MTMR7: variants seen among roughly 807,000 people sequenced by gnomAD.
The protein encoded by MTMR7 is myotubularin related protein 7.
Under a neutral mutation model 81.2 loss-of-function variants are expected in MTMR7, and 76 were observed. The ratio of observed to expected loss-of-function variants is 0.94; its 90% CI spans 0.78 to 1.13. The LOEUF (loss-of-function observed/expected upper bound fraction) is 1.13, where lower values mean the gene tolerates loss of function less well. Ranked by LOEUF, MTMR7 falls within the 50% of genes most tolerant of loss-of-function variation. The pLI, the probability that MTMR7 is intolerant of heterozygous loss-of-function variation, is 0.00. For synonymous variants in MTMR7, 372 were observed against 289.8 expected (o/e 1.28, Z -2.88); for missense variants, 1,044 against 820.0 (o/e 1.27, Z -3.34).
In MTMR7 at chr8:17,371,175, T is replaced by G. The variant is rs746107183; in HGVS notation, c.172A>C (p.Ile58Leu). 9.3e-6 allele frequency: 15 copies of G among 1,614,048 alleles called. No homozygotes were observed. Among genetic ancestry groups the G allele is most frequent in the Non-Finnish European group, 1.3e-5 (15 of 1,180,026 alleles). ...GTAGCGGTTGTTGCCTGTTTCTCAA[T>G]GGTGGAAATCTGACTGTGAAGAATC... is the stretch of plus-strand genomic sequence containing the variant. ...TWILHSQIST[I>L]EKQATTATGC... The change falls in exon 3 of 14, where the codon ATT becomes CTT. Residue 58 changes from isoleucine (I) to leucine (L), a missense_variant. By Grantham distance (5) the Ile-to-Leu change is conservative (BLOSUM62 2). Coordinates refer to ENST00000180173, the MANE Select transcript of MTMR7 (RefSeq NM_004686.5).
At chr8:17,411,015 A>G (rs766251594) in intron 1 of MTMR7, among the ~76,000 whole-genome samples, 48 of 152,222 alleles carry the variant, frequency 3.2e-4, no homozygotes, top group Non-Finnish European at 1.5e-4. Flanking sequence ...TAATGGAAGC[A>G]AATAATAAAG....
At chr8:17,302,402 C>T (rs1817177043) in intron 12 of MTMR7, 122 bp from the exon 13 acceptor site, 2 of 1,115,448 alleles carry the variant, frequency 1.8e-6, no homozygotes, top group Non-Finnish European at 1.2e-6. Flanking sequence ...AAATTTCAGC[C>T]TCAAAAAAGC....
At chr8:17,306,789 T>C (rs1563317624) in intron 10 of MTMR7, among the ~76,000 whole-genome samples, 1 of 152,158 alleles carries the variant, frequency 6.6e-6, no homozygotes, top group East Asian at 1.9e-4. Context: ...GATGTTACAG[T>C]TTCTCACCTT....
chr8:17,389,235 T>C (rs1291588868), intron 1 of MTMR7, among the ~76,000 whole-genome samples: 2 of 152,232 alleles, frequency 1.3e-5, no homozygotes, highest in Non-Finnish European at 2.9e-5. Flanking sequence ...CTGTGACCTC[T>C]CTGATCACTA....
intron 1 of MTMR7, among the ~76,000 whole-genome samples, chr8:17,408,537 A>G (rs1256775077): frequency 2.0e-5 from 3 of 152,168 alleles, no homozygotes; most frequent in Non-Finnish European, 4.4e-5. Context: ...AACTGAGAGA[A>G]CTACTGAATC....
intron 1 of MTMR7, among the ~76,000 whole-genome samples, chr8:17,384,430 T>A (rs964406634): frequency 1.3e-5 from 2 of 152,038 alleles, no homozygotes; most frequent in African/African-American, 4.8e-5. Flanking sequence ...AATAAATAAA[T>A]AATTATTAAC....
intron 4 of MTMR7, among the ~76,000 whole-genome samples, chr8:17,357,659 A>G (rs1281356154): frequency 2.6e-5 from 4 of 152,202 alleles, no homozygotes; most frequent in Non-Finnish European, 1.5e-5. Flanking sequence ...GAACCTACTG[A>G]CATTAAGTGA....
intron 7 of MTMR7, among the ~76,000 whole-genome samples, chr8:17,313,847 G>A (rs554951591): frequency 1.4e-4 from 21 of 152,300 alleles, no homozygotes; most frequent in African/African-American, 4.6e-4. Context: ...GATTAGGACT[G>A]TTGTAAAAAC....
intron 1 of MTMR7, among the ~76,000 whole-genome samples, chr8:17,389,294 G>A (rs949317606): frequency 4.6e-5 from 7 of 152,086 alleles, no homozygotes; most frequent in Non-Finnish European, 8.8e-5. Context: ...TATCTTTACT[G>A]TACACTCTAA....
chr8:17,408,999 A>G lies in MTMR7; in HGVS notation c.24+4270T>C, dbSNP rs567928571. 2.2e-4 allele frequency among the ~76,000 whole-genome samples: 33 copies of G among 152,320 alleles called. No homozygotes were observed. In the South Asian group the frequency reaches 6.4e-3, roughly 30 times the overall value. On this transcript the variant is annotated intron_variant, in intron 1 of 13. Transcript: ENST00000180173. ...TTGAATTTTATCTCATTAAATATATATAATTGCAAAATATGTTTCATATAT... is the reference window on the plus strand; with the variant it reads ...TTGAATTTTATCTCATTAAATATATGTAATTGCAAAATATGTTTCATATAT...
Position 17,299,023 on chromosome 8 carries a change from T to G in MTMR7, c.*839A>C, listed in dbSNP as rs1212968422. On this transcript the variant is annotated 3_prime_UTR_variant, in exon 14 of 14. Transcript: ENST00000180173. Reference sequence around the variant, plus strand: ...TGTTTTATCTACTAACTTTATAATGTGATACTTTGAGATCAGGCTGGTGGC... The same window carrying G: ...TGTTTTATCTACTAACTTTATAATGGGATACTTTGAGATCAGGCTGGTGGC... The G allele has an allele frequency of 6.6e-6, 1 of 152,220 alleles. No homozygotes were observed. Among genetic ancestry groups the G allele is most frequent in the African/African-American group, 2.4e-5 (1 of 41,462 alleles). The allele number at this position is 152,220 out of a possible 1,614,324, so 9.4% of individuals were successfully genotyped here.
chr8:17,413,257 G>A lies in MTMR7; in HGVS notation c.24+12C>T. ...CTCCCGTCCCTCCTCCGCCCGCGCT[G>A]GTGTCACCAACCTTGGGCGTACGGA... On this transcript the variant is annotated intron_variant, in intron 1 of 13. Coordinates refer to ENST00000180173, the MANE Select transcript of MTMR7 (RefSeq NM_004686.5). 6.5e-7 allele frequency: 1 copy of A among 1,548,290 alleles called. No individual in the cohort carries two copies. The highest frequency in any genetic ancestry group is 8.7e-7 in the Non-Finnish European group (1 of 1,145,068).
At chr8:17,378,965 G>A (rs180805826) in intron 1 of MTMR7, among the ~76,000 whole-genome samples, 5 of 152,316 alleles carry the variant, frequency 3.3e-5, no homozygotes, top group African/African-American at 9.6e-5. Flanking sequence ...AGAGTGAGAA[G>A]AGATCTGAGG....
At chr8:17,317,282 C>G (rs563224845) in intron 7 of MTMR7, among the ~76,000 whole-genome samples, 2 of 152,250 alleles carry the variant, frequency 1.3e-5, no homozygotes, top group African/African-American at 4.8e-5. Flanking sequence ...GCTTTCTTAG[C>G]TGCCAAGCTT....
At chr8:17,398,406 T>C (rs116288477) in intron 1 of MTMR7, among the ~76,000 whole-genome samples, 78 of 152,266 alleles carry the variant, frequency 5.1e-4, no homozygotes, top group African/African-American at 1.7e-3. Flanking sequence ...GCAATTGCTA[T>C]ATTGAAGAAT....
chr8:17,333,834 G>T (rs993135874), intron 6 of MTMR7, among the ~76,000 whole-genome samples: 1 of 152,072 alleles, frequency 6.6e-6, no homozygotes, highest in Non-Finnish European at 1.5e-5. Flanking sequence ...AGGTGACAGA[G>T]CAAGACCCCA....
rs555580103 is a variant in MTMR7, at chr8:17,372,190, A to G, written c.147+928T>C. On this transcript the variant is annotated intron_variant, in intron 2 of 13. Coordinates refer to ENST00000180173, the MANE Select transcript of MTMR7 (RefSeq NM_004686.5). ...TTAATCTTTAAGTTTCCCCTCCACTAAGAAGTGCCTGCCACCTTCTGCTAA... is the reference window on the plus strand; with the variant it reads ...TTAATCTTTAAGTTTCCCCTCCACTGAGAAGTGCCTGCCACCTTCTGCTAA... Among the ~76,000 whole-genome samples the G allele has an allele frequency of 2.6e-5, 4 of 152,280 alleles. No homozygotes were observed. The East Asian group carries it at 7.7e-4, about 29-fold the overall frequency.
At chr8:17,330,144 C>T (rs1042563393) in intron 7 of MTMR7, among the ~76,000 whole-genome samples, 1 of 152,242 alleles carries the variant, frequency 6.6e-6, no homozygotes, top group African/African-American at 2.4e-5. Flanking sequence ...GTTTGTGACA[C>T]TCAGATTTCT....
chr8:17,382,263 A>C (rs6587038), intron 1 of MTMR7, among the ~76,000 whole-genome samples: 17,661 of 152,190 alleles, frequency 0.12, 2,744 homozygotes, highest in African/African-American at 0.35. Context: ...TGTGATAAGC[A>C]TCCCAAGGCC....
Sources: allele counts gnomAD v4.1 joint callset (sites outside exome capture counted in the v4.1 genomes callset), GRCh38; gene constraint gnomAD v4.1.1; transcripts MANE v1.5; gene names NCBI Gene and HGNC (gene_info 2026-07-23, HGNC 2026-07-21).